Variants in SHROOM4 observed in about 807,000 individuals in gnomAD.
The protein encoded by SHROOM4 is protein Shroom4.
SHROOM4 carries 17 observed loss-of-function variants against 80.3 expected under a neutral mutation model. The ratio of observed to expected loss-of-function variants is 0.21; its 90% CI spans 0.14 to 0.32. SHROOM4 has a LOEUF of 0.32. Among genes scored for constraint, SHROOM4 ranks in the 10% least tolerant of loss-of-function variants. The pLI is 1.00. For missense variants in SHROOM4, 993 were observed against 1,140.3 expected (o/e 0.87, Z 1.86); for synonymous variants, 400 against 437.5 (o/e 0.91, Z 1.07).
chrX:50,754,269 A>G (rs1005833005), intron 1 of SHROOM4, among the ~76,000 whole-genome samples: 1 of 111,693 alleles, frequency 9.0e-6, no homozygotes, highest in African/African-American at 3.2e-5. Flanking sequence ...GAGCTACAGA[A>G]CTGGAGGCAA....
chrX:50,717,358 C>A (rs1473139201), intron 1 of SHROOM4, among the ~76,000 whole-genome samples: 1 of 111,858 alleles, frequency 8.9e-6, no homozygotes, highest in Non-Finnish European at 1.9e-5. Context: ...GCTGGGACTA[C>A]AGGCGACCGC....
intron 1 of SHROOM4, among the ~76,000 whole-genome samples, chrX:50,734,816 C>A (rs782120898): frequency 9.0e-6 from 1 of 111,144 alleles, no homozygotes; most frequent in Admixed American, 9.6e-5. Context: ...CCATACTGTT[C>A]TCGTGGTAGT....
chrX:50,666,196 A>T (rs782536671), intron 2 of SHROOM4, among the ~76,000 whole-genome samples: 2 of 111,210 alleles, frequency 1.8e-5, no homozygotes, highest in East Asian at 5.7e-4. Context: ...TGCTATCACT[A>T]TTGTATTCCA....
intron 1 of SHROOM4, among the ~76,000 whole-genome samples, chrX:50,774,434 C>G (rs138582812): frequency 0.02 from 2,209 of 111,501 alleles, 24 homozygotes; most frequent in Middle Eastern, 0.061. Context: ...GGACCACGAA[C>G]AGTTCCCTCT....
chrX:50,580,814 C>A, the SHROOM4 span, among the ~76,000 whole-genome samples: 1 of 112,028 alleles, frequency 8.9e-6, no homozygotes, highest in African/African-American at 3.2e-5. Context: ...CAAAAAAACA[C>A]CCAATTCTTT....
chrX:50,594,253 A>T lies in SHROOM4; in HGVS notation c.*2442T>A, dbSNP rs1479669712. The T allele has an allele frequency of 8.9e-6, 1 of 111,986 alleles. No homozygotes were observed. The highest frequency in any genetic ancestry group is 3.2e-5 in the African/African-American group (1 of 30,802). 9.2% of individuals were successfully genotyped at this position (111,986 alleles called of 1,213,427 possible). On this transcript the variant is annotated 3_prime_UTR_variant, in exon 9 of 9. Coordinates refer to ENST00000376020, the MANE Select transcript of SHROOM4 (RefSeq NM_020717.5). ...TGTTGCAGCACCGTCACACACAATG[A>T]GACTGCCCTGGCAGGAGTGTGGCAC...
chrX:50,786,121 C>A (rs1434070995), intron 1 of SHROOM4, among the ~76,000 whole-genome samples: 1 of 111,786 alleles, frequency 8.9e-6, no homozygotes, highest in Non-Finnish European at 1.9e-5. Context: ...ATAATAACTT[C>A]CCCCTGTACA....
chrX:50,676,336 ACTT>A (rs1300574994), intron 2 of SHROOM4, among the ~76,000 whole-genome samples: 1 of 110,364 alleles, frequency 9.1e-6, no homozygotes, highest in Non-Finnish European at 1.9e-5. Context: ...TTATTAAATC[ACTT>A]CTTCTTGTCT....
rs1391407569 is a variant in SHROOM4, at chrX:50,592,012, C to T, written c.*4683G>A. The stretch of plus-strand genomic sequence containing the variant: ...GATTTCAGGCGTGAGCCACCATGCC[C>T]GGCCGGAACTGTTTTCTTAATAACA... On this transcript the variant is annotated 3_prime_UTR_variant, in exon 9 of 9. Transcript: ENST00000376020. 9.2e-6 allele frequency: 3 copies of T among 327,657 alleles called. No individual in the cohort carries two copies. Among genetic ancestry groups the T allele is most frequent in the African/African-American group, 2.7e-5 (1 of 37,602 alleles). 27.0% of individuals were successfully genotyped at this position (327,657 alleles called of 1,213,427 possible).
intron 5 of SHROOM4, among the ~76,000 whole-genome samples, chrX:50,622,004 G>T (rs782281054): frequency 8.9e-6 from 1 of 111,831 alleles, no homozygotes; most frequent in Non-Finnish European, 1.9e-5. Context: ...GTTTGACCTT[G>T]GGCAAATGAC....
At chrX:50,722,173 T>C (rs140963055) in intron 1 of SHROOM4, among the ~76,000 whole-genome samples, 2,553 of 111,127 alleles carry the variant, frequency 0.023, 34 homozygotes, top group Middle Eastern at 0.069. Context: ...AGTTAAGTAA[T>C]AGCAGAGAGG....
At chrX:50,650,190 T>G (rs1931987223) in intron 2 of SHROOM4, among the ~76,000 whole-genome samples, 1 of 112,507 alleles carries the variant, frequency 8.9e-6, no homozygotes, top group Admixed American at 9.4e-5. Context: ...ATACATATTC[T>G]TATACAGATA....
At chrX:50,715,021 G>A (rs1416335571) in intron 1 of SHROOM4, among the ~76,000 whole-genome samples, 1 of 111,779 alleles carries the variant, frequency 8.9e-6, no homozygotes, top group Non-Finnish European at 1.9e-5. Context: ...TTACACTGTT[G>A]TTTACTCATT....
intron 2 of SHROOM4, among the ~76,000 whole-genome samples, chrX:50,692,432 T>C (rs782212101): frequency 8.9e-6 from 1 of 112,055 alleles, no homozygotes; most frequent in Non-Finnish European, 1.9e-5. Flanking sequence ...TTTTAGACCC[T>C]AAGGAAACAA....
At chrX:50,618,300 CTT>C (rs1930363630) in intron 5 of SHROOM4, among the ~76,000 whole-genome samples, 5 of 168 alleles carry the variant, frequency 0.03, no homozygotes, top group South Asian at 0.25. Context: ...TCCTTCCTTC[CTT>C]CCTTCCTTCC....
chrX:50,689,371 G>C (rs1933164419), intron 2 of SHROOM4, among the ~76,000 whole-genome samples: 1 of 111,820 alleles, frequency 8.9e-6, no homozygotes, highest in African/African-American at 3.2e-5. Context: ...TGTCTATGGA[G>C]AGCATGGCTA....
At chrX:50,808,689 C>T (rs1440077587) in intron 1 of SHROOM4, among the ~76,000 whole-genome samples, 8 of 110,223 alleles carry the variant, frequency 7.3e-5, no homozygotes, top group African/African-American at 2.6e-4. Flanking sequence ...AACCTCCAAT[C>T]TCAAGTCTGA....
At chrX:50,662,143 C>A (rs1419217330) in intron 2 of SHROOM4, among the ~76,000 whole-genome samples, 1 of 110,807 alleles carries the variant, frequency 9.0e-6, no homozygotes, top group Non-Finnish European at 1.9e-5. Flanking sequence ...TAGGGTATAT[C>A]TGTGGATAAG....
chrX:50,713,348 G>A (rs1409985092), intron 1 of SHROOM4, among the ~76,000 whole-genome samples: 4 of 111,695 alleles, frequency 3.6e-5, no homozygotes, highest in African/African-American at 6.5e-5. Context: ...CCAAAGATTC[G>A]GGGCAGGCAC....
Sources: allele counts gnomAD v4.1 joint callset (sites outside exome capture counted in the v4.1 genomes callset), GRCh38; gene constraint gnomAD v4.1.1; transcripts MANE v1.5; gene names NCBI Gene and HGNC (gene_info 2026-07-23, HGNC 2026-07-21).